GNG12: variants seen among roughly 807,000 people sequenced by gnomAD.
The protein encoded by GNG12 is guanine nucleotide-binding protein G(I)/G(S)/G(O) subunit gamma-12.
For missense variants in GNG12, 69 were observed against 83.8 expected (o/e 0.82, Z 0.69); for synonymous variants, 28 against 29.7 (o/e 0.94, Z 0.19).
intron 2 of GNG12, among the ~76,000 whole-genome samples, chr1:67,774,507 G>A (rs1174250176): frequency 6.6e-6 from 1 of 152,224 alleles, no homozygotes; most frequent in East Asian, 1.9e-4. Context: ...GGCAGCCACA[G>A]GGTGATGGCC....
In GNG12 at chr1:67,704,425, G is replaced by A. The variant is rs1388879311; in HGVS notation, c.*1026C>T. On this transcript the variant is annotated 3_prime_UTR_variant, in exon 4 of 4. Transcript: ENST00000370982. ...CTCTGGTAAGAGAAGAAAGACACAGGGAAGGCAGAGAGAGCAAGACAGAGG... is the reference window on the plus strand; with the variant it reads ...CTCTGGTAAGAGAAGAAAGACACAGAGAAGGCAGAGAGAGCAAGACAGAGG... 6.6e-6 allele frequency: 1 copy of A among 152,256 alleles called. No homozygotes were observed. Among genetic ancestry groups the A allele is most frequent in the Non-Finnish European group, 1.5e-5 (1 of 68,068 alleles). 9.4% of individuals were successfully genotyped at this position (152,256 alleles called of 1,614,324 possible). A position where few individuals can be genotyped will look rare whatever the true frequency, so the allele number is the denominator to read the frequency against.
chr1:67,786,380 A>G (rs956035636), intron 1 of GNG12, among the ~76,000 whole-genome samples: 2 of 152,164 alleles, frequency 1.3e-5, no homozygotes, highest in East Asian at 3.8e-4. Flanking sequence ...CCTAACACTA[A>G]ATTGGACGGT....
At chr1:67,790,809 T>C (rs1646798024) in intron 1 of GNG12, among the ~76,000 whole-genome samples, 1 of 152,078 alleles carries the variant, frequency 6.6e-6, no homozygotes, top group Non-Finnish European at 1.5e-5. Flanking sequence ...AGAGACAAGG[T>C]TTCACCATGT....
At chr1:67,782,357 G>A (rs1646742435) in intron 1 of GNG12, among the ~76,000 whole-genome samples, 1 of 152,126 alleles carries the variant, frequency 6.6e-6, no homozygotes, top group Admixed American at 6.5e-5. Flanking sequence ...TAAAATGCTG[G>A]CATTTTGCCC....
chr1:67,715,864 G>A (rs1220278332), intron 2 of GNG12, among the ~76,000 whole-genome samples: 1 of 152,130 alleles, frequency 6.6e-6, no homozygotes, highest in Non-Finnish European at 1.5e-5. Context: ...ATAAATATTA[G>A]CTATTATTTG....
At chr1:67,762,163 C>T (rs755405740) in intron 2 of GNG12, among the ~76,000 whole-genome samples, 6 of 152,186 alleles carry the variant, frequency 3.9e-5, no homozygotes, top group Non-Finnish European at 7.4e-5. Flanking sequence ...CTTCTTTTGC[C>T]TGACCACCAC....
At chr1:67,780,755 A>C (rs1646733070) in intron 1 of GNG12, among the ~76,000 whole-genome samples, 3 of 152,216 alleles carry the variant, frequency 2.0e-5, no homozygotes, top group South Asian at 4.1e-4. Flanking sequence ...GAGGGAGAAG[A>C]AGCAACTCGG....
intron 2 of GNG12, among the ~76,000 whole-genome samples, chr1:67,719,207 TTC>T (rs754137109): frequency 3.9e-5 from 6 of 152,220 alleles, no homozygotes; most frequent in Non-Finnish European, 8.8e-5. Context: ...TCCACTCCAA[TTC>T]TCTGTCTTCT....
At chr1:67,811,895 T>A (rs1646928431) in intron 1 of GNG12, among the ~76,000 whole-genome samples, 1 of 151,890 alleles carries the variant, frequency 6.6e-6, no homozygotes, top group South Asian at 2.1e-4. Flanking sequence ...CATGGGAGGG[T>A]TTTTGCTGTA....
intron 2 of GNG12, among the ~76,000 whole-genome samples, chr1:67,769,842 ACTCTCT>A (rs199699703): frequency 8.2e-5 from 12 of 146,886 alleles, no homozygotes; most frequent in Non-Finnish European, 7.5e-5. Context: ...ACTCACTCTC[ACTCTCT>A]CTCTCTCCTG....
chr1:67,817,946 C>A (rs946949546), intron 1 of GNG12, among the ~76,000 whole-genome samples: 1 of 151,818 alleles, frequency 6.6e-6, no homozygotes, highest in African/African-American at 2.4e-5. Flanking sequence ...ACCACTGCAC[C>A]CAGCTAATTT....
rs184516544 is a variant in GNG12, at chr1:67,761,731, G to A, written c.-27+15727C>T. Among the ~76,000 whole-genome samples, 22 of 152,248 alleles carry A rather than the reference G, an allele frequency of 1.4e-4. No homozygotes were observed. In the South Asian group the frequency reaches 2.3e-3, roughly 16 times the overall value. ...GCAAACTCTCCAACGAGGTATTCCC[G>A]TTAACCCTTAGTCCCTTACCCTCCC... On this transcript the variant is annotated intron_variant, in intron 2 of 3. Coordinates refer to ENST00000370982, the MANE Select transcript of GNG12 (RefSeq NM_018841.6).
At position 67,704,194 on chromosome 1, in the gene GNG12, A is replaced by T. The variant is rs959694734; in HGVS notation, c.*1257T>A. On this transcript the variant is annotated 3_prime_UTR_variant, in exon 4 of 4. Transcript: ENST00000370982. Reference sequence around the variant, plus strand: ...CCAGCTGCTAAAGCCCTTGGGCCCAAGGAGTGTACCACTGAATCCAAGGCT... The same window carrying T: ...CCAGCTGCTAAAGCCCTTGGGCCCATGGAGTGTACCACTGAATCCAAGGCT... 6.6e-6 allele frequency: 1 copy of T among 152,268 alleles called. No homozygotes were observed. The highest frequency in any genetic ancestry group is 1.5e-5 in the Non-Finnish European group (1 of 68,068). 9.4% of individuals were successfully genotyped at this position (152,268 alleles called of 1,614,324 possible). A position where few individuals can be genotyped will look rare whatever the true frequency, so the allele number is the denominator to read the frequency against.
chr1:67,832,588 GA>G lies in GNG12; in HGVS notation c.-77+755del, dbSNP rs540074134. On this transcript the variant is annotated intron_variant, in intron 1 of 3. Coordinates refer to ENST00000370982, the MANE Select transcript of GNG12 (RefSeq NM_018841.6). ...AAACAGAATTCACCCTGCCCCACGG[GA>G]TAACTGTCGGGGCAATAATTAAAAA... 6.0e-5 allele frequency among the ~76,000 whole-genome samples: 9 copies of G among 150,028 alleles called. 1 individual carries two copies. The East Asian group carries it at 1.6e-3, about 26-fold the overall frequency.
chr1:67,787,279 C>T (rs889046185), intron 1 of GNG12, among the ~76,000 whole-genome samples: 1 of 151,786 alleles, frequency 6.6e-6, no homozygotes, highest in South Asian at 2.1e-4. Context: ...GGGTTTACCA[C>T]AAGAGGAAAG....
Position 67,704,438 on chromosome 1 carries a change from A to T in GNG12, c.*1013T>A, listed in dbSNP as rs2100662325. 6.6e-6 allele frequency: 1 copy of T among 152,430 alleles called. No homozygotes were observed. Among genetic ancestry groups the T allele is most frequent in the South Asian group, 2.1e-4 (1 of 4,822 alleles). The allele number at this position is 152,430 out of a possible 1,614,324, so 9.4% of individuals were successfully genotyped here. On this transcript the variant is annotated 3_prime_UTR_variant, in exon 4 of 4. Transcript: ENST00000370982. Reference sequence around the variant, plus strand: ...AGAAAGACACAGGGAAGGCAGAGAGAGCAAGACAGAGGGCTCAATCACAAA... The same window carrying T: ...AGAAAGACACAGGGAAGGCAGAGAGTGCAAGACAGAGGGCTCAATCACAAA...
intron 2 of GNG12, among the ~76,000 whole-genome samples, chr1:67,775,781 A>G (rs938517590): frequency 1.7e-4 from 26 of 152,376 alleles, no homozygotes; most frequent in Non-Finnish European, 3.4e-4. Context: ...AGAGCAGGCA[A>G]GATCACAGAT....
chr1:67,762,252 A>G (rs1397735991), intron 2 of GNG12, among the ~76,000 whole-genome samples: 1 of 152,148 alleles, frequency 6.6e-6, no homozygotes, highest in Non-Finnish European at 1.5e-5. Flanking sequence ...GTAATCACTG[A>G]CTTGTTTATC....
chr1:67,813,476 G>A (rs1646937571), intron 1 of GNG12, among the ~76,000 whole-genome samples: 1 of 152,188 alleles, frequency 6.6e-6, no homozygotes. Flanking sequence ...TAGGGCCTAA[G>A]CATGGGAGGC....
Sources: gnomAD v4.1 joint callset for allele counts (sites outside exome capture counted in the v4.1 genomes callset) on GRCh38, gnomAD v4.1.1 for gene constraint, MANE v1.5 for transcripts, NCBI Gene and HGNC (gene_info 2026-07-23, HGNC 2026-07-21) for gene names.